Variants in CELF4 observed in about 807,000 individuals in gnomAD.
CELF4 encodes CUGBP Elav-like family member 4.
In CELF4, 18 loss-of-function variants were observed where a neutral mutation model predicts 59.9. The ratio of observed to expected loss-of-function variants is 0.30; its 90% CI spans 0.21 to 0.45. The LOEUF is 0.45. CELF4 is among the 20% of genes least tolerant of loss of function. CELF4 has a pLI of 1.00. For missense variants in CELF4, 456 were observed against 689.0 expected, an observed-to-expected ratio of 0.66 and a Z score of 3.79; for synonymous variants, 261 against 267.1, an observed-to-expected ratio of 0.98 and a Z score of 0.22.
chr18:37,295,810 TC>T (rs1426592899), intron 3 of CELF4, among the ~76,000 whole-genome samples: 2 of 152,198 alleles, frequency 1.3e-5, no homozygotes, highest in East Asian at 3.9e-4. Flanking sequence ...AGTTGATCTT[TC>T]CAGCATTGGC....
chr18:37,356,251 C>T lies in CELF4; in HGVS notation c.370-34370G>A, dbSNP rs558021103. On this transcript the variant is annotated intron_variant, in intron 2 of 12. Coordinates refer to ENST00000420428, the MANE Select transcript of CELF4 (RefSeq NM_020180.4). ...GAAAAAATAGTATGTGGCACTCATC[C>T]GCTTTTAAAATGAAAAACAGTGAAC... is the stretch of plus-strand genomic sequence containing the variant. 3.3e-4 allele frequency among the ~76,000 whole-genome samples: 51 copies of T among 152,258 alleles called. No homozygotes were observed. The South Asian group carries it at 8.3e-3, about 25-fold the overall frequency.
intron 12 of CELF4, chr18:37,247,060 C>G (rs999391687): frequency 3.9e-5 from 6 of 152,122 alleles, no homozygotes; most frequent in Non-Finnish European, 7.3e-5. Flanking sequence ...ATACAACATC[C>G]AAGAAAAACG....
At chr18:37,538,439 T>C (rs1301122596) in intron 1 of CELF4, among the ~76,000 whole-genome samples, 1 of 152,190 alleles carries the variant, frequency 6.6e-6, no homozygotes, top group African/African-American at 2.4e-5. Flanking sequence ...TGCTGAGGCC[T>C]GGAGCCTCTC....
intron 2 of CELF4, among the ~76,000 whole-genome samples, chr18:37,326,340 G>A (rs1388866283): frequency 6.6e-6 from 1 of 152,174 alleles, no homozygotes; most frequent in Non-Finnish European, 1.5e-5. Context: ...TGGGACCCTG[G>A]CCATGGCCTC....
At chr18:37,303,044 G>A (rs2096171012) in intron 3 of CELF4, among the ~76,000 whole-genome samples, 1 of 152,162 alleles carries the variant, frequency 6.6e-6, no homozygotes, top group Admixed American at 6.5e-5. Context: ...ACTGTAGGAG[G>A]GGAGAAAGAA....
intron 3 of CELF4, among the ~76,000 whole-genome samples, chr18:37,319,630 G>A (rs975237304): frequency 3.3e-5 from 5 of 152,214 alleles, no homozygotes; most frequent in East Asian, 1.9e-4. Context: ...GATCACCAGC[G>A]GCCACACCAC....
intron 2 of CELF4, among the ~76,000 whole-genome samples, chr18:37,449,546 C>G (rs76750750): frequency 6.6e-6 from 1 of 152,148 alleles, no homozygotes; most frequent in Admixed American, 6.5e-5. Flanking sequence ...CAGCGGTAAA[C>G]AAATTCCCTG....
At chr18:37,468,687 G>A (rs1169301488) in intron 2 of CELF4, among the ~76,000 whole-genome samples, 3 of 152,108 alleles carry the variant, frequency 2.0e-5, no homozygotes, top group African/African-American at 7.2e-5. Flanking sequence ...TTACAGTTCT[G>A]CATGGCTGGG....
chr18:37,565,225 C>G (rs2099987863), intron 1 of CELF4, 131 bp downstream of exon 1: 1 of 957,282 alleles, frequency 1.0e-6, no homozygotes, highest in Admixed American at 2.6e-5. Context: ...GCTGCCCGAG[C>G]GCCTCCCTCC....
At chr18:37,354,636 G>A (rs145334576) in intron 2 of CELF4, among the ~76,000 whole-genome samples, 3 of 152,234 alleles carry the variant, frequency 2.0e-5, no homozygotes, top group Non-Finnish European at 2.9e-5. Context: ...GTGGTGCCAC[G>A]TTGGCTTCTG....
chr18:37,565,316 C>G (rs764063216), intron 1 of CELF4, 40 bp downstream of exon 1: 47 of 1,469,882 alleles, frequency 3.2e-5, no homozygotes, highest in Non-Finnish European at 4.2e-5. Flanking sequence ...CCAGCCCGCT[C>G]CTGCTCCCCG....
intron 1 of CELF4, among the ~76,000 whole-genome samples, chr18:37,534,482 C>T (rs956581353): frequency 6.6e-6 from 1 of 152,102 alleles, no homozygotes; most frequent in African/African-American, 2.4e-5. Context: ...AATAGCAGAC[C>T]GTACACTATT....
intron 2 of CELF4, 106 bp from the exon 3 acceptor site, chr18:37,321,987 A>C (rs2097139650): frequency 1.3e-6 from 1 of 764,048 alleles, no homozygotes; most frequent in Middle Eastern, 2.4e-4. Flanking sequence ...GACTGCACCC[A>C]CAGACACGCG....
chr18:37,326,167 G>C (rs574669632), intron 2 of CELF4, among the ~76,000 whole-genome samples: 4 of 152,300 alleles, frequency 2.6e-5, no homozygotes, highest in African/African-American at 9.6e-5. Context: ...CATGACGACA[G>C]AGCGAGGGGA....
chr18:37,560,526 C>T (rs1001815954), intron 1 of CELF4, among the ~76,000 whole-genome samples: 5 of 152,018 alleles, frequency 3.3e-5, no homozygotes, highest in African/African-American at 7.2e-5. Context: ...TTAAAAAATG[C>T]TTTTCTTGTT....
chr18:37,266,437 C>T, intron 9 of CELF4, 96 bp downstream of exon 9: 2 of 1,183,902 alleles, frequency 1.7e-6, no homozygotes, highest in Non-Finnish European at 2.5e-6. Context: ...CCACCCCATG[C>T]AGTGCTGGCC....
chr18:37,557,153 G>T (rs2099985053), intron 1 of CELF4, among the ~76,000 whole-genome samples: 1 of 152,218 alleles, frequency 6.6e-6, no homozygotes, highest in Admixed American at 6.5e-5. Context: ...TAAGAGGTGT[G>T]GGCAGCGGAT....
At chr18:37,288,558 C>T (rs887897544) in intron 3 of CELF4, among the ~76,000 whole-genome samples, 1 of 152,206 alleles carries the variant, frequency 6.6e-6, no homozygotes, top group African/African-American at 2.4e-5. Flanking sequence ...AGCTAATTCA[C>T]AGCAGAGCCA....
At chr18:37,321,061 C>A (rs1289877603) in intron 3 of CELF4, among the ~76,000 whole-genome samples, 2 of 152,176 alleles carry the variant, frequency 1.3e-5, no homozygotes, top group Non-Finnish European at 2.9e-5. Context: ...CTAGGGTGGG[C>A]CCTGGTTAAC....
Sources: allele counts gnomAD v4.1 joint callset (sites outside exome capture counted in the v4.1 genomes callset), GRCh38; gene constraint gnomAD v4.1.1; transcripts MANE v1.5; gene names NCBI Gene and HGNC (gene_info 2026-07-23, HGNC 2026-07-21).